Variants in CPN2 observed in about 807,000 individuals in gnomAD.
The protein encoded by CPN2 is carboxypeptidase N subunit 2, also known as carboxypeptidase N 83 kDa chain.
For synonymous variants in CPN2, 336 were observed against 318.4 expected, an observed-to-expected ratio of 1.06 and a Z score of -0.59; for missense variants, 620 against 671.4, an observed-to-expected ratio of 0.92 and a Z score of 0.85.
rs1367356671 is a variant in CPN2 at position 194,342,538 on chromosome 3, G to A, written c.165C>T (p.Ile55=). 4.3e-6 allele frequency: 7 copies of A among 1,614,108 alleles called. No individual in the cohort carries two copies. The highest frequency in any genetic ancestry group is 5.9e-6 in the Non-Finnish European group (7 of 1,180,038). ...ATGTGGTGAACGAGGTCTCCACAAA[G>A]ATGATGTTTTTCGTATATGGCGGGA... ...LDIPPYTKNI[I]FVETSFTTLE... is the part of the protein sequence containing the mutation. The change falls in exon 2 of 2, where the codon ATC becomes ATT. Residue 55 remains isoleucine, a synonymous_variant. Transcript: ENST00000323830.
Position 194,341,244 on chromosome 3 carries a change from CG to C in CPN2, c.1458del (p.Glu487ArgfsTer16). 6.2e-7 allele frequency: 1 copy of C among 1,613,518 alleles called. No individual in the cohort carries two copies. The highest frequency in any genetic ancestry group is 1.1e-5 in the South Asian group (1 of 91,074). On this transcript the variant is annotated frameshift_variant, in exon 2 of 2. Coordinates refer to ENST00000323830, the MANE Select transcript of CPN2 (RefSeq NM_001080513.4). LOFTEE classifies it low-confidence loss of function (END_TRUNC). The part of the protein sequence containing the change: ...AARSQCTYSN[P>X]EGTVVLACDQ... ...TCACAGGCGAGCACCACGGTGCCCT[CG>C]GGGTTGCTGTAGGTGCACTGGCTCC...
At chr3:194,342,841 G>C in intron 1 of CPN2, 136 bp from the exon 2 acceptor site, 1 of 564,850 alleles carries the variant, frequency 1.8e-6, no homozygotes, top group Non-Finnish European at 3.2e-6. Flanking sequence ...GCAGGACCAA[G>C]ACCCAGGGCT....
In CPN2 at chr3:194,341,947, G is replaced by A; in HGVS notation, c.756C>T (p.Ala252=). The A allele has an allele frequency of 6.2e-7, 1 of 1,613,992 alleles. No individual in the cohort carries two copies. The highest frequency in any genetic ancestry group is 2.2e-5 in the East Asian group (1 of 44,888). The part of the protein sequence containing the change: ...CLERLWLQRN[A]ITHLPLSIFA... ...AGATGGAGAGCGGCAGGTGCGTGAT[G>A]GCGTTGCGTTGCAGCCACAGCCTCT... The change falls in exon 2 of 2, where the codon GCC becomes GCT. Residue 252 remains alanine (A), a synonymous_variant. Transcript: ENST00000323830.
intron 1 of CPN2, among the ~76,000 whole-genome samples, chr3:194,344,736 G>A (rs1712987535): frequency 6.6e-6 from 1 of 152,092 alleles, no homozygotes; most frequent in Admixed American, 6.5e-5. Flanking sequence ...AATAGAATCT[G>A]ACTCCCGCAA....
intron 1 of CPN2, among the ~76,000 whole-genome samples, chr3:194,350,992 C>T (rs1713246896): frequency 6.6e-6 from 1 of 152,216 alleles, no homozygotes; most frequent in Admixed American, 6.5e-5. Context: ...CCTCTACTCA[C>T]TACCAGCCTT....
chr3:194,342,713 C>T lies in CPN2; in HGVS notation c.-3-8G>A, dbSNP rs375449826. On this transcript the variant is annotated splice_region_variant and splice_polypyrimidine_tract_variant and intron_variant, in intron 1 of 1. Transcript: ENST00000323830. Reference sequence around the variant, plus strand: ...GGCTCCAGGGAGCATCTTCTAGATTCGAGGAGGGAGAGAGAACAGGAAGAG... The same window carrying T: ...GGCTCCAGGGAGCATCTTCTAGATTTGAGGAGGGAGAGAGAACAGGAAGAG... 61 of 1,177,638 alleles carry T rather than the reference C, an allele frequency of 5.2e-5. No individual in the cohort carries two copies. Among genetic ancestry groups the T allele is most frequent in the African/African-American group, 2.6e-4 (17 of 65,304 alleles). The allele number at this position is 1,177,638 out of a possible 1,614,324, so 72.9% of individuals were successfully genotyped here.
At position 194,342,306 on chromosome 3, in the gene CPN2, G is replaced by T. The variant is rs1212929807; in HGVS notation, c.397C>A (p.Leu133Met). ...LGKLTLNFNM[L>M]EALPEGLFQH... ...AAAAGACCCTCGGGCAGAGCCTCCA[G>T]CATGTTGAAGTTGAGGGTGAGCTTG... The change falls in exon 2 of 2, where the codon CTG becomes ATG. Residue 133 changes from leucine to methionine, a missense_variant. By Grantham distance (15) the Leu-to-Met change is conservative. Coordinates refer to ENST00000323830, the MANE Select transcript of CPN2 (RefSeq NM_001080513.4). 6.2e-7 allele frequency: 1 copy of T among 1,614,034 alleles called. No homozygotes were observed. The highest frequency in any genetic ancestry group is 1.3e-5 in the African/African-American group (1 of 75,044).
Position 194,341,404 on chromosome 3 carries a change from C to G in CPN2, c.1299G>C (p.Gln433His), listed in dbSNP as rs1359243581. 2.5e-6 allele frequency: 4 copies of G among 1,614,060 alleles called. No homozygotes were observed. Among genetic ancestry groups the G allele is most frequent in the Non-Finnish European group, 3.4e-6 (4 of 1,180,060 alleles). Residue 433 changes from glutamine (Q) to histidine (H), a missense_variant, in exon 2 of 2, where the codon CAG (glutamine) becomes CAC (histidine). Coordinates refer to ENST00000323830, the MANE Select transcript of CPN2 (RefSeq NM_001080513.4). ...YCAGPAYLKG[Q>H]VVPALNEKQL... ...GCTTCTCATTCAAGGCGGGCACCAC[C>G]TGGCCTTTGAGGTAGGCAGGGCCAG...
At chr3:194,345,235 C>T (rs933557300) in intron 1 of CPN2, among the ~76,000 whole-genome samples, 1 of 152,214 alleles carries the variant, frequency 6.6e-6, no homozygotes, top group Non-Finnish European at 1.5e-5. Context: ...GAGCCACCCC[C>T]CTGGGATGGG....
Position 194,342,128 on chromosome 3 carries a change from A to G in CPN2, c.575T>C (p.Leu192Pro). 1 of 1,613,938 alleles carries G rather than the reference A, an allele frequency of 6.2e-7. No individual in the cohort carries two copies. The highest frequency in any genetic ancestry group is 1.1e-5 in the South Asian group (1 of 91,056). Residue 192 changes from leucine (L) to proline (P), a missense_variant, in exon 2 of 2, where the codon CTC becomes CCC. Transcript: ENST00000323830. The part of the protein sequence containing the change: ...AQLPEELFHP[L>P]TSLQTLKLSN... ...CAGCTTCAGGGTCTGCAGGCTGGTG[A>G]GTGGGTGGAACAGCTCCTCCGGGAG...
rs978903451 is a variant in CPN2 at position 194,340,763 on chromosome 3, G to T, written c.*302C>A. ...TGAGAGCGGTTGGGTGTTACATAAT[G>T]GGGAGGCATCAGGGCTGAGGATATT... On this transcript the variant is annotated 3_prime_UTR_variant, in exon 2 of 2. Transcript: ENST00000323830. The T allele has an allele frequency of 8.4e-5, 30 of 355,466 alleles. No individual in the cohort carries two copies. The highest frequency in any genetic ancestry group is 5.8e-4 in the African/African-American group (29 of 49,590). The allele number at this position is 355,466 out of a possible 1,614,324, so 22.0% of individuals were successfully genotyped here.
chr3:194,342,339 A>G lies in CPN2; in HGVS notation c.364T>C (p.Ser122Pro). The change falls in exon 2 of 2, where the codon TCG becomes CCG. Residue 122 changes from serine (S) to proline (P), a missense_variant. Physicochemically the swap from Ser to Pro is moderately conservative, Grantham distance 74. Coordinates refer to ENST00000323830, the MANE Select transcript of CPN2 (RefSeq NM_001080513.4). ...AAGTTGAGGGTGAGCTTGCCCAGCG[A>G]GGTCAGGTTGGAGAAGATGTTGGTG... ...LSTNIFSNLT[S>P]LGKLTLNFNM... The G allele has an allele frequency of 6.2e-7, 1 of 1,614,066 alleles. No individual in the cohort carries two copies. Among genetic ancestry groups the G allele is most frequent in the Non-Finnish European group, 8.5e-7 (1 of 1,180,006 alleles).
Position 194,340,551 on chromosome 3 carries a change from G to C in CPN2, c.*514C>G, listed in dbSNP as rs1712762905. 6.5e-6 allele frequency: 1 copy of C among 153,914 alleles called. No individual in the cohort carries two copies. Among genetic ancestry groups the C allele is most frequent in the Admixed American group, 6.4e-5 (1 of 15,578 alleles). The allele number at this position is 153,914 out of a possible 1,614,324, so 9.5% of individuals were successfully genotyped here. A position where few individuals can be genotyped will look rare whatever the true frequency, so the allele number is the denominator to read the frequency against. On this transcript the variant is annotated 3_prime_UTR_variant, in exon 2 of 2. Coordinates refer to ENST00000323830, the MANE Select transcript of CPN2 (RefSeq NM_001080513.4). Reference sequence around the variant, plus strand: ...CACAGGGTCTCCCACACGCCAGTCAGAACCCTGCCCCTGTGCTTTCTGGTC... The same window carrying C: ...CACAGGGTCTCCCACACGCCAGTCACAACCCTGCCCCTGTGCTTTCTGGTC...
At chr3:194,345,825 G>A (rs949022126) in intron 1 of CPN2, among the ~76,000 whole-genome samples, 9 of 152,214 alleles carry the variant, frequency 5.9e-5, no homozygotes, top group African/African-American at 1.4e-4. Context: ...TCTGCGGAGC[G>A]AGCTGAGCTG....
Position 194,340,999 on chromosome 3 carries a change from C to A in CPN2, c.*66G>T. ...AAGGCTTCGGAGACTCAGCTCCCCT[C>A]CGCCCCTACCTGTCGCCTGGTCAGG... On this transcript the variant is annotated 3_prime_UTR_variant, in exon 2 of 2. Coordinates refer to ENST00000323830, the MANE Select transcript of CPN2 (RefSeq NM_001080513.4). 6.7e-7 allele frequency: 1 copy of A among 1,492,032 alleles called. No individual in the cohort carries two copies. The highest frequency in any genetic ancestry group is 1.3e-5 in the South Asian group (1 of 74,762). The allele number at this position is 1,492,032 out of a possible 1,614,324, so 92.4% of individuals were successfully genotyped here.
intron 1 of CPN2, among the ~76,000 whole-genome samples, chr3:194,344,425 AG>A (rs1237272233): frequency 6.6e-6 from 1 of 152,222 alleles, no homozygotes; most frequent in Non-Finnish European, 1.5e-5. Flanking sequence ...GGCCAGGCGC[AG>A]TGGCTCACGC....
chr3:194,344,460 G>T (rs1302058020), intron 1 of CPN2, among the ~76,000 whole-genome samples: 1 of 152,226 alleles, frequency 6.6e-6, no homozygotes, highest in African/African-American at 2.4e-5. Context: ...ACTTTGAAAG[G>T]CCAAGGCAGG....
At position 194,340,945 on chromosome 3, in the gene CPN2, G is replaced by A. The variant is rs1712777940; in HGVS notation, c.*120C>T. On this transcript the variant is annotated 3_prime_UTR_variant, in exon 2 of 2. Coordinates refer to ENST00000323830, the MANE Select transcript of CPN2 (RefSeq NM_001080513.4). ...GACTCCACCCCCTCACCTTGGGGAT[G>A]TAACCCTGTCCCTTGCATGTGAAAA... 2 of 1,406,902 alleles carry A rather than the reference G, an allele frequency of 1.4e-6. No individual in the cohort carries two copies. Among genetic ancestry groups the A allele is most frequent in the South Asian group, 3.0e-5 (2 of 66,252 alleles). The allele number at this position is 1,406,902 out of a possible 1,614,324, so 87.2% of individuals were successfully genotyped here.
chr3:194,343,545 C>G (rs1255707157), intron 1 of CPN2, among the ~76,000 whole-genome samples: 2 of 152,220 alleles, frequency 1.3e-5, no homozygotes, highest in Non-Finnish European at 2.9e-5. Context: ...GCATCGTGGC[C>G]CCTGCCCTGT....
Sources: allele counts gnomAD v4.1 joint callset (sites outside exome capture counted in the v4.1 genomes callset), GRCh38; gene constraint gnomAD v4.1.1; transcripts MANE v1.5; gene names NCBI Gene and HGNC (gene_info 2026-07-23, HGNC 2026-07-21).